The following DOCK3 variants were observed in gnomAD, a reference collection of about 807,000 sequenced individuals.
DOCK3 encodes the protein dedicator of cytokinesis 3.
DOCK3 carries 60 observed loss-of-function variants against 265.6 expected under a neutral mutation model. The observed-to-expected ratio is 0.23, with a 90% CI of 0.18 to 0.28. The LOEUF (loss-of-function observed/expected upper bound fraction) is 0.28, where lower values mean the gene tolerates loss of function less well. Ranked by LOEUF, DOCK3 falls within the 10% of genes least tolerant of loss-of-function variation. The pLI is 1.00. For missense variants in DOCK3, 1,981 were observed against 2,594.3 expected (o/e 0.76, Z 5.14); for synonymous variants, 881 against 938.0 (o/e 0.94, Z 1.11).
intron 41 of DOCK3, 42 bp downstream of exon 41, chr3:51,355,065 TG>T (rs758142486): frequency 1.1e-4 from 181 of 1,595,700 alleles, no homozygotes; most frequent in Non-Finnish European, 1.5e-4. Context: ...GCAGGGGCCC[TG>T]GGAGGTGAGA....
chr3:50,700,302 T>C (rs2035951667), intron 1 of DOCK3, among the ~76,000 whole-genome samples: 2 of 152,174 alleles, frequency 1.3e-5, no homozygotes, highest in Non-Finnish European at 2.9e-5. Context: ...GCAAATATTA[T>C]CTTCTAGCTT....
At chr3:50,822,630 AG>A (rs1234252001) in intron 2 of DOCK3, among the ~76,000 whole-genome samples, 2 of 152,030 alleles carry the variant, frequency 1.3e-5, no homozygotes, top group Non-Finnish European at 2.9e-5. Flanking sequence ...CTGAATAGCT[AG>A]GACTACAGGC....
At chr3:50,968,426 T>A (rs1484288687) in intron 5 of DOCK3, among the ~76,000 whole-genome samples, 1 of 152,248 alleles carries the variant, frequency 6.6e-6, no homozygotes, top group Non-Finnish European at 1.5e-5. Context: ...AGTGTAACTG[T>A]CACCTGAGTA....
intron 9 of DOCK3, among the ~76,000 whole-genome samples, chr3:51,098,143 G>A (rs1348098326): frequency 2.0e-5 from 3 of 152,280 alleles, no homozygotes; most frequent in African/African-American, 2.4e-5. Flanking sequence ...TGTAACATCC[G>A]CCTTCCGGTT....
intron 3 of DOCK3, among the ~76,000 whole-genome samples, chr3:50,868,644 G>C (rs1328003149): frequency 6.6e-6 from 1 of 152,142 alleles, no homozygotes; most frequent in Non-Finnish European, 1.5e-5. Context: ...AAAGTGCTGA[G>C]ATTATAGGTG....
chr3:51,270,819 C>T lies in DOCK3; in HGVS notation c.2360C>T (p.Ala787Val), dbSNP rs761164808. ...CAGCTTCATTTGCTTCTGCAGGCTGCACTCCTCAATTCTTTCCCAACCATC... is the reference window on the plus strand; with the variant it reads ...CAGCTTCATTTGCTTCTGCAGGCTGTACTCCTCAATTCTTTCCCAACCATC... ...NSETLLFTQA[A>V]LLNSFPTIFD... Residue 787 changes from alanine to valine, a missense_variant, in exon 24 of 53, where the codon GCA becomes GTA. This residue lies in a region of DOCK3 where 1,357 missense variants were observed against 1,866.8 expected (regional missense o/e 0.73). Coordinates refer to ENST00000266037, the MANE Select transcript of DOCK3 (RefSeq NM_004947.5). 1 of 1,613,186 alleles carries T rather than the reference C, an allele frequency of 6.2e-7. No homozygotes were observed. The highest frequency in any genetic ancestry group is 1.1e-5 in the South Asian group (1 of 90,934).
At chr3:50,998,018 A>G (rs1293420568) in intron 5 of DOCK3, among the ~76,000 whole-genome samples, 2 of 152,178 alleles carry the variant, frequency 1.3e-5, no homozygotes, top group Non-Finnish European at 2.9e-5. Context: ...GGGGTACTAT[A>G]TTACAAACTT....
chr3:51,020,217 G>C (rs2079525272), intron 5 of DOCK3, among the ~76,000 whole-genome samples: 1 of 151,818 alleles, frequency 6.6e-6, no homozygotes, highest in Admixed American at 6.6e-5. Context: ...TTTCTCTAAT[G>C]ATCAACAATG....
intron 51 of DOCK3, among the ~76,000 whole-genome samples, chr3:51,377,004 C>T (rs2088193831): frequency 6.6e-6 from 1 of 152,254 alleles, no homozygotes; most frequent in African/African-American, 2.4e-5. Context: ...CCAGAATCCA[C>T]AGTGGCATTT....
chr3:51,202,403 A>C (rs1348973117), intron 12 of DOCK3, among the ~76,000 whole-genome samples: 2 of 151,688 alleles, frequency 1.3e-5, no homozygotes, highest in Admixed American at 6.6e-5. Context: ...TACGCAAATA[A>C]ACTAGAAAAT....
chr3:50,796,044 A>ATT (rs752830380), intron 2 of DOCK3, among the ~76,000 whole-genome samples: 3 of 138,034 alleles, frequency 2.2e-5, no homozygotes, highest in Admixed American at 7.2e-5. Flanking sequence ...TGGTGTGGTT[A>ATT]TTTTTTTTTT....
intron 3 of DOCK3, among the ~76,000 whole-genome samples, chr3:50,874,743 A>G (rs1185092536): frequency 6.6e-6 from 1 of 151,942 alleles, no homozygotes; most frequent in African/African-American, 2.4e-5. Context: ...TTGATTTTTC[A>G]CTGGTAGTAT....
At chr3:50,981,708 C>A (rs1386043240) in intron 5 of DOCK3, among the ~76,000 whole-genome samples, 1 of 152,100 alleles carries the variant, frequency 6.6e-6, no homozygotes, top group African/African-American at 2.4e-5. Flanking sequence ...CTTTCTTTAT[C>A]TCTTTTTAAA....
intron 22 of DOCK3, among the ~76,000 whole-genome samples, chr3:51,252,912 G>A (rs964855782): frequency 7.2e-5 from 11 of 152,294 alleles, no homozygotes; most frequent in African/African-American, 2.6e-4. Flanking sequence ...GAATAGGAGT[G>A]GTGAGAGAGG....
chr3:50,739,593 A>G (rs1459225066), intron 1 of DOCK3, among the ~76,000 whole-genome samples: 1 of 152,106 alleles, frequency 6.6e-6, no homozygotes, highest in Non-Finnish European at 1.5e-5. Context: ...GTTCTCTGGT[A>G]TATCCCTGGT....
chr3:50,992,813 C>G (rs1270728342), intron 5 of DOCK3, among the ~76,000 whole-genome samples: 4 of 152,144 alleles, frequency 2.6e-5, no homozygotes, highest in Admixed American at 2.0e-4. Flanking sequence ...CACATACATC[C>G]TTTTAAGACC....
Position 50,753,090 on chromosome 3 carries a change from A to C in DOCK3, c.38-25585A>C, listed in dbSNP as rs1408612839. Among the ~76,000 whole-genome samples the C allele has an allele frequency of 3.9e-5, 6 of 152,148 alleles. 1 individual carries two copies. In the East Asian group the frequency reaches 1.2e-3, roughly 29 times the overall value. ...AACAAGAGAGGGAACAGATCTCCAC[A>C]CGTTTTTTTGATGAAATTCAAAATA... On this transcript the variant is annotated intron_variant, in intron 1 of 52. Transcript: ENST00000266037.
chr3:51,354,997 A>C lies in DOCK3; in HGVS notation c.4223A>C (p.Asp1408Ala). 6.2e-7 allele frequency: 1 copy of C among 1,613,846 alleles called. No individual in the cohort carries two copies. The highest frequency in any genetic ancestry group is 1.1e-5 in the South Asian group (1 of 91,074). The part of the protein sequence containing the change: ...VAMQHPNHPD[D>A]AILQCDAQYL... Reference sequence around the variant, plus strand: ...ATGCAGCACCCCAACCATCCTGATGACGCCATCCTACAGTGCGATGCCCAG... The same window carrying C: ...ATGCAGCACCCCAACCATCCTGATGCCGCCATCCTACAGTGCGATGCCCAG... The change falls in exon 41 of 53, where the codon GAC becomes GCC. Residue 1408 changes from aspartate to alanine, a missense_variant. Physicochemically the swap from Asp to Ala is moderately radical, Grantham distance 126. Coordinates refer to ENST00000266037, the MANE Select transcript of DOCK3 (RefSeq NM_004947.5).
chr3:51,123,657 G>C (rs1171938900), intron 9 of DOCK3, among the ~76,000 whole-genome samples: 2 of 152,180 alleles, frequency 1.3e-5, no homozygotes, highest in East Asian at 3.8e-4. Context: ...TTATGTGTGT[G>C]ATATTTCAGC....
Sources: gnomAD v4.1 joint callset for allele counts (sites outside exome capture counted in the v4.1 genomes callset) on GRCh38, gnomAD v4.1.1 for gene constraint, gnomAD v4.1.1 regional missense constraint, MANE v1.5 for transcripts, NCBI Gene and HGNC (gene_info 2026-07-23, HGNC 2026-07-21) for gene names.